Variants in BSN observed in about 807,000 individuals in gnomAD.
The protein encoded by BSN is bassoon presynaptic cytomatrix protein.
Under a neutral mutation model 264.8 loss-of-function variants are expected in BSN, and 57 were observed. The ratio of observed to expected loss-of-function variants is 0.22; its 90% CI spans 0.17 to 0.27. BSN has a LOEUF of 0.27. BSN is among the 10% of genes least tolerant of loss of function. The pLI is 1.00. For missense variants in BSN, 4,615 were observed against 5,232.5 expected (o/e 0.88, Z 3.64); for synonymous variants, 2,059 against 2,137.3 (o/e 0.96, Z 1.01).
chr3:49,556,663 T>C (rs2051674966), intron 1 of BSN, among the ~76,000 whole-genome samples: 1 of 152,222 alleles, frequency 6.6e-6, no homozygotes, highest in Admixed American at 6.5e-5. Flanking sequence ...CATTTTATCA[T>C]AGCACCTCAG....
At position 49,651,922 on chromosome 3, in the gene BSN, A is replaced by C. The variant is rs1481120468; in HGVS notation, c.2366A>C (p.Glu789Ala). Residue 789 changes from glutamate to alanine, a missense_variant, in exon 5 of 12, where the codon GAG (glutamate) becomes GCG (alanine). Around this residue, in one of 3 missense-constraint regions of BSN, gnomAD observed 1,197 missense variants for 1,348.0 expected, o/e 0.89. Transcript: ENST00000296452. The surrounding 1 kb of genome is among the most constrained non-coding windows in gnomAD (Gnocchi z 5.4). ...CTGGAGGAAGACGAAGACTCTGCTG[A>C]GTGGAGGCGCCGGAGAGAGCAGCAG... ...DILEEDEDSA[E>A]WRRRREQQDT... 6.2e-7 allele frequency: 1 copy of C among 1,613,810 alleles called. No individual in the cohort carries two copies. Among genetic ancestry groups the C allele is most frequent in the Non-Finnish European group, 8.5e-7 (1 of 1,179,950 alleles).
Position 49,657,352 on chromosome 3 carries a change from G to A in BSN, c.7796G>A (p.Ser2599Asn), listed in dbSNP as rs367715844. 3 of 1,613,396 alleles carry A rather than the reference G, an allele frequency of 1.9e-6. No homozygotes were observed. The highest frequency in any genetic ancestry group is 2.5e-6 in the Non-Finnish European group (3 of 1,180,010). The change falls in exon 5 of 12, where the codon AGT becomes AAT. Residue 2599 changes from serine (S) to asparagine (N), a missense_variant. Ser to Asn is a conservative substitution (Grantham distance 46). Transcript: ENST00000296452. ...DEDGESRYLL[S>N]RRRRARRSAD... ...GATGGGGAGAGCCGCTACCTCTTGA[G>A]TCGGCGACGCCGGGCACGGCGGAGT...
chr3:49,565,481 C>A (rs1329826230), intron 1 of BSN, among the ~76,000 whole-genome samples: 1 of 151,948 alleles, frequency 6.6e-6, no homozygotes, highest in Admixed American at 6.6e-5. Context: ...CCACTACTCC[C>A]AGCTAATTTT....
At chr3:49,578,195 T>G (rs745639134) in intron 1 of BSN, among the ~76,000 whole-genome samples, 47 of 152,112 alleles carry the variant, frequency 3.1e-4, no homozygotes, top group Non-Finnish European at 5.3e-4. Flanking sequence ...AGGACCGTCC[T>G]TGTTGCCCAC....
At chr3:49,600,154 C>T (rs1311139412) in intron 1 of BSN, among the ~76,000 whole-genome samples, 1 of 152,126 alleles carries the variant, frequency 6.6e-6, no homozygotes, top group African/African-American at 2.4e-5. Flanking sequence ...TGTGTCAGTT[C>T]AGGAGGAGGA....
chr3:49,651,183 C>T lies in BSN; in HGVS notation c.1986+104C>T, dbSNP rs900007150. The stretch of plus-strand genomic sequence containing the variant: ...GAGGCTGTAGGCTCAGGACAGGTGC[C>T]TTGGGGCCACACAGGAGGGAAGGGA... On this transcript the variant is annotated intron_variant, in intron 4 of 11. Coordinates refer to ENST00000296452, the MANE Select transcript of BSN (RefSeq NM_003458.4). This position sits in a 1 kb window ranked among gnomAD's most constrained non-coding sequence, Gnocchi z 5.4. 7.0e-6 allele frequency: 8 copies of T among 1,145,714 alleles called. No individual in the cohort carries two copies. The Admixed American group carries it at 8.5e-5, about 12-fold the overall frequency. The allele number at this position is 1,145,714 out of a possible 1,614,324, so 71.0% of individuals were successfully genotyped here. A position where few individuals can be genotyped will look rare whatever the true frequency, so the allele number is the denominator to read the frequency against.
intron 5 of BSN, among the ~76,000 whole-genome samples, chr3:49,659,183 A>G (rs2052633799): frequency 6.6e-6 from 1 of 151,952 alleles, no homozygotes; most frequent in Non-Finnish European, 1.5e-5. Context: ...GGAGGTGATA[A>G]TCTTGGGTAG....
rs886866137 is a variant in BSN, at chr3:49,555,949, G to A, written c.224+1123G>A. On this transcript the variant is annotated intron_variant, in intron 1 of 11. Coordinates refer to ENST00000296452, the MANE Select transcript of BSN (RefSeq NM_003458.4). The stretch of plus-strand genomic sequence containing the variant: ...TTATTTCCTCAGAAGTCATTTCTTA[G>A]ACAACTAACAGTAATGAAAGGCTGT... 3.9e-5 allele frequency among the ~76,000 whole-genome samples: 6 copies of A among 152,214 alleles called. No individual in the cohort carries two copies. In the South Asian group the frequency reaches 1.2e-3, roughly 32 times the overall value.
At chr3:49,627,362 T>A (rs1192489377) in intron 2 of BSN, among the ~76,000 whole-genome samples, 1 of 152,234 alleles carries the variant, frequency 6.6e-6, no homozygotes, top group East Asian at 1.9e-4. Context: ...TGCTGGGGTT[T>A]TCAGGTAGAA....
chr3:49,616,719 C>G (rs2052262097), intron 1 of BSN, among the ~76,000 whole-genome samples: 3 of 152,136 alleles, frequency 2.0e-5, no homozygotes, highest in Admixed American at 2.0e-4. Flanking sequence ...CACTGTGCAC[C>G]AGGGCAGCCA....
rs1288011509 is a variant in BSN at position 49,554,540 on chromosome 3, C to T, written c.-63C>T. On this transcript the variant is annotated 5_prime_UTR_variant, in exon 1 of 12. Transcript: ENST00000296452. Reference sequence around the variant, plus strand: ...AGCGGCGGCGCCGAGAGTGTGAGCACCGCCCGGGAGCCGCCGGCCCGGGCG... The same window carrying T: ...AGCGGCGGCGCCGAGAGTGTGAGCATCGCCCGGGAGCCGCCGGCCCGGGCG... 1.3e-5 allele frequency: 8 copies of T among 633,910 alleles called. No homozygotes were observed. Among genetic ancestry groups the T allele is most frequent in the Non-Finnish European group, 1.6e-5 (8 of 509,520 alleles). 39.3% of individuals were successfully genotyped at this position (633,910 alleles called of 1,614,324 possible). A position where few individuals can be genotyped will look rare whatever the true frequency, so the allele number is the denominator to read the frequency against.
In BSN at chr3:49,661,715, A is replaced by G. The variant is rs1467797062; in HGVS notation, c.9870A>G (p.Glu3290=). 1 of 1,613,612 alleles carries G rather than the reference A, an allele frequency of 6.2e-7. No homozygotes were observed. ...GCTGCTATGCCAGAGGAGAAGAGGAATCTGAGGAGGACTCATACGATCCCC... is the reference window on the plus strand; with the variant it reads ...GCTGCTATGCCAGAGGAGAAGAGGAGTCTGAGGAGGACTCATACGATCCCC... ...LPCCYARGEE[E]SEEDSYDPRG... is the part of the protein sequence containing the mutation. The change falls in exon 6 of 12, where the codon GAA becomes GAG. Residue 3290 remains glutamate (E), a synonymous_variant. Coordinates refer to ENST00000296452, the MANE Select transcript of BSN (RefSeq NM_003458.4).
chr3:49,664,481 T>G lies in BSN; in HGVS notation c.11667T>G (p.Gly3889=), dbSNP rs1575453823. The part of the protein sequence containing the change: ...GTPGAPAGQP[G]ADGESVFSKI... ...CAGGGGCTCCCGCCGGCCAGCCAGG[T>G]GCCGATGGGGAGAGCGTGTTCTCCA... is the stretch of plus-strand genomic sequence containing the variant. The change falls in exon 9 of 12, where the codon GGT becomes GGG. Residue 3889 remains glycine, a synonymous_variant. Coordinates refer to ENST00000296452, the MANE Select transcript of BSN (RefSeq NM_003458.4). 1.9e-6 allele frequency: 3 copies of G among 1,613,442 alleles called. No individual in the cohort carries two copies. Among genetic ancestry groups the G allele is most frequent in the Non-Finnish European group, 2.5e-6 (3 of 1,179,924 alleles).
chr3:49,620,594 T>C (rs1234548645), intron 1 of BSN, among the ~76,000 whole-genome samples: 1 of 152,122 alleles, frequency 6.6e-6, no homozygotes, highest in Non-Finnish European at 1.5e-5. Context: ...CATGGGGCCT[T>C]ATGGGCCATT....
chr3:49,663,246 G>C lies in BSN; in HGVS notation c.11088G>C (p.Gln3696His). 1 of 1,614,154 alleles carries C rather than the reference G, an allele frequency of 6.2e-7. No individual in the cohort carries two copies. The highest frequency in any genetic ancestry group is 8.5e-7 in the Non-Finnish European group (1 of 1,180,028). Residue 3696 changes from glutamine (Q) to histidine (H), a missense_variant, in exon 7 of 12, where the codon CAG becomes CAC. Transcript: ENST00000296452. Reference sequence around the variant, plus strand: ...CTCCAGCTATGCCGAAGAAGGGTCAGCCTGGGTATCCCAGCTCTGCTGAGT... The same window carrying C: ...CTCCAGCTATGCCGAAGAAGGGTCACCCTGGGTATCCCAGCTCTGCTGAGT... ...SSAPAMPKKG[Q>H]PGYPSSAEYS...
At chr3:49,665,086 G>T (rs2052702387) in intron 10 of BSN, 143 bp from the exon 11 acceptor site, 3 of 464,274 alleles carry the variant, frequency 6.5e-6, no homozygotes, top group Non-Finnish European at 7.6e-6. Context: ...AGCAAAGGAG[G>T]GGCCAAAGCC....
At chr3:49,605,550 T>TA (rs1474243380) in intron 1 of BSN, among the ~76,000 whole-genome samples, 34 of 1,174 alleles carry the variant, frequency 0.029, 5 homozygotes, top group Admixed American at 0.045. Context: ...TATATATATT[T>TA]TATATAATAT....
At chr3:49,603,452 AG>A (rs2052087316) in intron 1 of BSN, among the ~76,000 whole-genome samples, 1 of 152,176 alleles carries the variant, frequency 6.6e-6, no homozygotes, top group Non-Finnish European at 1.5e-5. Flanking sequence ...CACCCTAGGC[AG>A]TGTAGGCCTG....
At chr3:49,593,214 G>A (rs897730988) in intron 1 of BSN, among the ~76,000 whole-genome samples, 2 of 152,302 alleles carry the variant, frequency 1.3e-5, no homozygotes, top group Non-Finnish European at 2.9e-5. Flanking sequence ...TCATCCACTT[G>A]TTGTATCTGT....
Sources: allele counts gnomAD v4.1 joint callset (sites outside exome capture counted in the v4.1 genomes callset), GRCh38; gene constraint gnomAD v4.1.1; regional missense constraint gnomAD v4.1.1; non-coding constraint Gnocchi (gnomAD v3.1); transcripts MANE v1.5; gene names NCBI Gene and HGNC (gene_info 2026-07-23, HGNC 2026-07-21).